PCDHA11: variants seen among roughly 807,000 people sequenced by gnomAD.
PCDHA11 encodes the protein protocadherin alpha-11.
In PCDHA11, 61 loss-of-function variants were observed where a neutral mutation model predicts 70.3. The observed-to-expected ratio is 0.87, with a 90% CI of 0.71 to 1.07. The LOEUF (loss-of-function observed/expected upper bound fraction) is 1.07. Among genes scored for constraint, PCDHA11 ranks in the 50% least tolerant of loss-of-function variants. PCDHA11 has a pLI of 0.00. For synonymous variants in PCDHA11, 633 were observed against 555.1 expected (o/e 1.14, Z -1.97); for missense variants, 1,324 against 1,237.5 (o/e 1.07, Z -1.05).
intron 1 of PCDHA11, among the ~76,000 whole-genome samples, chr5:140,904,904 C>T (rs1463349424): frequency 6.6e-6 from 1 of 151,948 alleles, no homozygotes; most frequent in East Asian, 1.9e-4. Context: ...GTTTTTCTTA[C>T]TGATTTGTTT....
In PCDHA11 at chr5:140,871,216, G is replaced by A. The variant is rs782807102; in HGVS notation, c.2113G>A (p.Val705Met). ...CGTGTACCTGATCATCGCCATCTGC[G>A]TGGTGTCCAGCCTCCTGGTACTCAC... ...VNVYLIIAIC[V>M]VSSLLVLTLL... is the part of the protein sequence containing the mutation. Residue 705 changes from valine to methionine, a missense_variant, in exon 1 of 4, where the codon GTG (valine) becomes ATG (methionine). Physicochemically the swap from Val to Met is conservative, Grantham distance 21. Transcript: ENST00000398640. The A allele has an allele frequency of 5.6e-6, 9 of 1,613,738 alleles. No individual in the cohort carries two copies. The highest frequency in any genetic ancestry group is 4.5e-5 in the East Asian group (2 of 44,886).
intron 1 of PCDHA11, among the ~76,000 whole-genome samples, chr5:140,886,331 G>A (rs910332577): frequency 6.6e-6 from 1 of 151,936 alleles, no homozygotes; most frequent in Admixed American, 6.6e-5. Flanking sequence ...TGGGATACAT[G>A]TGCAGAACGT....
intron 1 of PCDHA11, among the ~76,000 whole-genome samples, chr5:140,900,275 C>T (rs1260418745): frequency 9.2e-5 from 14 of 151,438 alleles, no homozygotes; most frequent in African/African-American, 2.9e-4. Context: ...GTATATGTAC[C>T]ACACTTTCTT....
intron 1 of PCDHA11, among the ~76,000 whole-genome samples, chr5:140,892,004 T>A (rs562047314): frequency 6.6e-6 from 1 of 152,364 alleles, no homozygotes; most frequent in East Asian, 1.9e-4. Flanking sequence ...TGGCATTCTG[T>A]TATAGCAGCA....
At chr5:140,997,897 A>C (rs13175095) in intron 3 of PCDHA11, among the ~76,000 whole-genome samples, 9,880 of 152,266 alleles carry the variant, frequency 0.065, 363 homozygotes, top group East Asian at 0.12. Flanking sequence ...GATAAATTTC[A>C]AGAAGTAGAA....
chr5:141,001,518 C>G (rs573560944), intron 3 of PCDHA11, among the ~76,000 whole-genome samples: 2 of 152,272 alleles, frequency 1.3e-5, no homozygotes, highest in East Asian at 1.9e-4. Context: ...AGCTTTCTCC[C>G]TCTCTCTCTG....
intron 3 of PCDHA11, among the ~76,000 whole-genome samples, chr5:140,988,219 G>C (rs976112285): frequency 1.3e-5 from 2 of 152,132 alleles, no homozygotes; most frequent in African/African-American, 2.4e-5. Flanking sequence ...AAAAAAATGA[G>C]ATCAGGGATC....
intron 1 of PCDHA11, among the ~76,000 whole-genome samples, chr5:140,951,182 C>T (rs782338729): frequency 9.2e-5 from 14 of 151,876 alleles, no homozygotes; most frequent in East Asian, 1.9e-4. Context: ...AGTCATTGTC[C>T]GCTAATTCCC....
At chr5:140,923,630 G>T (rs1278599561) in intron 1 of PCDHA11, among the ~76,000 whole-genome samples, 1 of 152,106 alleles carries the variant, frequency 6.6e-6, no homozygotes, top group Admixed American at 6.5e-5. Flanking sequence ...TATCCAAAAG[G>T]CAAAAATCTT....
intron 3 of PCDHA11, 123 bp downstream of exon 3, chr5:140,982,686 C>T: frequency 2.8e-6 from 4 of 1,418,870 alleles, no homozygotes; most frequent in Non-Finnish European, 3.7e-6. Context: ...TCCCTTTTTT[C>T]CATACATACA....
At chr5:140,885,664 A>G (rs2060680895) in intron 1 of PCDHA11, among the ~76,000 whole-genome samples, 1 of 152,174 alleles carries the variant, frequency 6.6e-6, no homozygotes, top group Non-Finnish European at 1.5e-5. Context: ...ACCAGTTATG[A>G]GCACTCTTTC....
intron 1 of PCDHA11, chr5:140,883,589 G>C (rs782300348): frequency 6.2e-7 from 1 of 1,614,014 alleles, no homozygotes; most frequent in Non-Finnish European, 8.5e-7. Context: ...CACGGCCAGC[G>C]TGTCGGTGGG....
intron 1 of PCDHA11, among the ~76,000 whole-genome samples, chr5:140,933,853 A>G (rs192647657): frequency 6.6e-6 from 1 of 151,684 alleles, no homozygotes; most frequent in Non-Finnish European, 1.5e-5. Flanking sequence ...TGTACCTTTA[A>G]TTTTTTCAGA....
At chr5:140,941,210 T>C (rs199663607) in intron 1 of PCDHA11, among the ~76,000 whole-genome samples, 3,757 of 100,378 alleles carry the variant, frequency 0.037, 93 homozygotes, top group African/African-American at 0.096. Context: ...TTCCTTTCTT[T>C]CTTCCTTTCT....
At chr5:140,945,935 G>T (rs2093863887) in intron 1 of PCDHA11, among the ~76,000 whole-genome samples, 1 of 151,964 alleles carries the variant, frequency 6.6e-6, no homozygotes, top group Admixed American at 6.6e-5. Flanking sequence ...GAGCAATGAT[G>T]TTTTTTATAT....
At chr5:140,878,107 A>G in intron 1 of PCDHA11, 1 of 256,418 alleles carries the variant, frequency 3.9e-6, no homozygotes, top group Non-Finnish European at 7.2e-6. Context: ...AACCTTGAAA[A>G]AAACAGTATA....
chr5:140,989,509 T>G (rs1554250840), intron 3 of PCDHA11, among the ~76,000 whole-genome samples: 1 of 152,196 alleles, frequency 6.6e-6, no homozygotes, highest in African/African-American at 2.4e-5. Context: ...GCTTATAACC[T>G]GAGTTGAGGG....
chr5:140,966,974 C>A, intron 1 of PCDHA11: 1 of 1,602,874 alleles, frequency 6.2e-7, no homozygotes, highest in Non-Finnish European at 8.5e-7. Context: ...GCTTGAGCTG[C>A]GGCGCTTGGG....
At chr5:141,005,696 C>A (rs1269379462) in intron 3 of PCDHA11, among the ~76,000 whole-genome samples, 1 of 105,034 alleles carries the variant, frequency 9.5e-6, no homozygotes, top group African/African-American at 4.2e-5. Flanking sequence ...AGCGAAACTC[C>A]GTCTCAAAAA....
Sources: allele counts gnomAD v4.1 joint callset (sites outside exome capture counted in the v4.1 genomes callset), GRCh38; gene constraint gnomAD v4.1.1; transcripts MANE v1.5; gene names NCBI Gene and HGNC (gene_info 2026-07-23, HGNC 2026-07-21).